Variants in MAML2 observed in about 807,000 individuals in gnomAD.
MAML2 encodes the protein mastermind-like protein 2.
Under a neutral mutation model 96.1 loss-of-function variants are expected in MAML2, and 22 were observed. The ratio of observed to expected loss-of-function variants is 0.23; its 90% CI spans 0.16 to 0.33. The LOEUF is 0.33. Ranked by LOEUF, MAML2 falls within the 10% of genes least tolerant of loss-of-function variation. The probability of loss-of-function intolerance (pLI) is 1.00; values close to 1 mark genes in which losing one functional copy is unlikely to be tolerated. For missense variants in MAML2, 1,367 were observed against 1,392.4 expected, an observed-to-expected ratio of 0.98 and a Z score of 0.29; for synonymous variants, 561 against 521.3, an observed-to-expected ratio of 1.08 and a Z score of -1.04.
intron 1 of MAML2, among the ~76,000 whole-genome samples, chr11:96,251,317 T>C (rs997506940): frequency 1.3e-5 from 2 of 152,250 alleles, no homozygotes; most frequent in Non-Finnish European, 2.9e-5. Context: ...GCATGTGCTA[T>C]GAATCACACA....
chr11:96,201,232 A>C lies in MAML2; in HGVS notation c.514-107715T>G, dbSNP rs569678038. On this transcript the variant is annotated intron_variant, in intron 1 of 4. Coordinates refer to ENST00000524717, the MANE Select transcript of MAML2 (RefSeq NM_032427.4). ...ACTATGTAGACTCAAATATTTACAA[A>C]GGGAAGTGAATCTCTGGGTATTCAA... Among the ~76,000 whole-genome samples the C allele has an allele frequency of 5.9e-5, 9 of 152,302 alleles. No individual in the cohort carries two copies. In the South Asian group the frequency reaches 1.7e-3, roughly 28 times the overall value.
chr11:96,220,733 C>T (rs935028730), intron 1 of MAML2, among the ~76,000 whole-genome samples: 4 of 151,970 alleles, frequency 2.6e-5, no homozygotes, highest in Non-Finnish European at 5.9e-5. Flanking sequence ...ATTTCCTTAA[C>T]AGTCAGACAT....
chr11:95,991,372 C>T lies in MAML2; in HGVS notation c.2343+148G>A, dbSNP rs577383506. ...TGGGTTTTTTTTTCTTCCTGCAGTA[C>T]ACTAAATGTATGGAATTATCCTCTC... On this transcript the variant is annotated intron_variant, in intron 3 of 4. Coordinates refer to ENST00000524717, the MANE Select transcript of MAML2 (RefSeq NM_032427.4). The T allele has an allele frequency of 1.4e-4, 106 of 742,384 alleles. No individual in the cohort carries two copies. The East Asian group carries it at 2.7e-3, about 19-fold the overall frequency. 46.0% of individuals were successfully genotyped at this position (742,384 alleles called of 1,614,324 possible). A position where few individuals can be genotyped will look rare whatever the true frequency, so the allele number is the denominator to read the frequency against.
intron 1 of MAML2, among the ~76,000 whole-genome samples, chr11:96,305,147 A>T (rs900439714): frequency 1.3e-5 from 2 of 152,208 alleles, no homozygotes; most frequent in Admixed American, 6.5e-5. Flanking sequence ...AAGCTATTAC[A>T]TTTTAAAATA....
chr11:96,089,866 G>C (rs1232305512), intron 2 of MAML2, among the ~76,000 whole-genome samples: 1 of 93,120 alleles, frequency 1.1e-5, no homozygotes, highest in African/African-American at 3.6e-5. Context: ...TTTTGGAAGA[G>C]ATGAAAATTA....
rs916738168 is a variant in MAML2 at position 96,341,984 on chromosome 11, T to C, written c.-89A>G. 1.7e-5 allele frequency: 22 copies of C among 1,328,674 alleles called. No homozygotes were observed. Among genetic ancestry groups the C allele is most frequent in the South Asian group, 1.5e-5 (1 of 65,766 alleles). The allele number at this position is 1,328,674 out of a possible 1,614,324, so 82.3% of individuals were successfully genotyped here. ...TTGCAGGCAAGTCTGTTTTTGACAA[T>C]GTGAGCTCAGTGTTCAGGGCCACAT... is the stretch of plus-strand genomic sequence containing the variant. On this transcript the variant is annotated 5_prime_UTR_variant, in exon 1 of 5. Transcript: ENST00000524717.
intron 1 of MAML2, among the ~76,000 whole-genome samples, chr11:96,251,265 G>C (rs1340524325): frequency 1.3e-5 from 2 of 152,218 alleles, no homozygotes; most frequent in Non-Finnish European, 2.9e-5. Context: ...AATTTTCATG[G>C]AGGTAGCTGT....
At chr11:96,015,135 T>A (rs1858323736) in intron 2 of MAML2, among the ~76,000 whole-genome samples, 1 of 152,196 alleles carries the variant, frequency 6.6e-6, no homozygotes, top group South Asian at 2.1e-4. Context: ...TCCAGAGCCC[T>A]GCCATAATAT....
At chr11:96,235,749 G>A (rs1312731202) in intron 1 of MAML2, among the ~76,000 whole-genome samples, 2 of 152,194 alleles carry the variant, frequency 1.3e-5, no homozygotes, top group African/African-American at 2.4e-5. Context: ...TTTGTAAGAT[G>A]TACACTTTCT....
chr11:96,191,511 C>T (rs1212873454), intron 1 of MAML2, among the ~76,000 whole-genome samples: 1 of 110,800 alleles, frequency 9.0e-6, no homozygotes, highest in Non-Finnish European at 2.0e-5. Flanking sequence ...AGCGGTGGCT[C>T]AGCCCGTAAT....
At chr11:96,171,926 C>T (rs910691665) in intron 1 of MAML2, among the ~76,000 whole-genome samples, 11 of 152,212 alleles carry the variant, frequency 7.2e-5, no homozygotes, top group Non-Finnish European at 5.9e-5. Context: ...ATGCTAACCC[C>T]TAAATCTGAC....
chr11:96,277,871 G>A (rs1174698913), intron 1 of MAML2, among the ~76,000 whole-genome samples: 1 of 151,814 alleles, frequency 6.6e-6, no homozygotes, highest in African/African-American at 2.4e-5. Context: ...TAAATGGCCT[G>A]GCACATAGTA....
chr11:96,295,137 T>C (rs1031925319), intron 1 of MAML2, among the ~76,000 whole-genome samples: 7 of 152,278 alleles, frequency 4.6e-5, no homozygotes, highest in African/African-American at 1.7e-4. Flanking sequence ...TGAATGAAAG[T>C]CTCATTTAGT....
At chr11:96,249,412 G>T (rs914860459) in intron 1 of MAML2, among the ~76,000 whole-genome samples, 1 of 152,054 alleles carries the variant, frequency 6.6e-6, no homozygotes, top group Admixed American at 6.5e-5. Flanking sequence ...ATGAATTCCA[G>T]CTTACTTATT....
chr11:96,274,842 C>G (rs934403217), intron 1 of MAML2, among the ~76,000 whole-genome samples: 1 of 152,024 alleles, frequency 6.6e-6, no homozygotes, highest in African/African-American at 2.4e-5. Context: ...ATAAATATCA[C>G]CTGAATCTAA....
chr11:96,039,291 TGAGAGAA>T (rs1342620689), intron 2 of MAML2, among the ~76,000 whole-genome samples: 1 of 101,318 alleles, frequency 9.9e-6, no homozygotes, highest in African/African-American at 3.9e-5. Flanking sequence ...GAGACAGAGG[TGAGAGAA>T]GAGAGAAGAG....
chr11:96,098,061 A>G (rs1014254434), intron 1 of MAML2, among the ~76,000 whole-genome samples: 8 of 152,206 alleles, frequency 5.3e-5, no homozygotes, highest in Admixed American at 2.0e-4. Context: ...TAGCCCAGAC[A>G]GCCAAGACAA....
At chr11:96,309,767 G>A (rs965641510) in intron 1 of MAML2, among the ~76,000 whole-genome samples, 22 of 149,678 alleles carry the variant, frequency 1.5e-4, no homozygotes, top group Non-Finnish European at 2.8e-4. Context: ...GTGCAGTCAC[G>A]GCTTACTGAG....
At chr11:96,026,573 G>A (rs1220706842) in intron 2 of MAML2, among the ~76,000 whole-genome samples, 5 of 152,268 alleles carry the variant, frequency 3.3e-5, no homozygotes, top group South Asian at 4.1e-4. Context: ...GGAGAGGGCT[G>A]TAAATCTCCC....
Sources: gnomAD v4.1 joint callset for allele counts (sites outside exome capture counted in the v4.1 genomes callset) on GRCh38, gnomAD v4.1.1 for gene constraint, MANE v1.5 for transcripts, NCBI Gene and HGNC (gene_info 2026-07-23, HGNC 2026-07-21) for gene names.